Variants in MYRIP observed in about 807,000 individuals in gnomAD.
The protein encoded by MYRIP is myosin VIIA and Rab interacting protein.
A neutral mutation model predicts 98.0 loss-of-function variants in MYRIP; 49 were observed. The ratio of observed to expected loss-of-function variants is 0.50; its 90% confidence interval spans 0.40 to 0.63. The LOEUF is 0.63. Among genes scored for constraint, MYRIP ranks in the 30% least tolerant of loss-of-function variants. The pLI is 0.00. For missense variants in MYRIP, 1,004 were observed against 1,058.2 expected (o/e 0.95, Z 0.71); for synonymous variants, 404 against 409.5 (o/e 0.99, Z 0.16).
intron 1 of MYRIP, among the ~76,000 whole-genome samples, chr3:39,832,955 C>G (rs73826795): frequency 0.048 from 7,373 of 152,248 alleles, 352 homozygotes; most frequent in African/African-American, 0.12. Context: ...TCATAGTCCT[C>G]TGTGAAATAG....
At chr3:40,167,637 G>T (rs1038562403) in intron 7 of MYRIP, among the ~76,000 whole-genome samples, 13 of 151,992 alleles carry the variant, frequency 8.6e-5, no homozygotes, top group Non-Finnish European at 8.8e-5. Flanking sequence ...CAAGTTAAGG[G>T]CCCAGTCCCA....
chr3:39,860,356 C>T (rs1032309631), intron 1 of MYRIP, among the ~76,000 whole-genome samples: 1 of 152,172 alleles, frequency 6.6e-6, no homozygotes, highest in African/African-American at 2.4e-5. Flanking sequence ...TTGTACAGAG[C>T]CCAGAGGGTT....
Position 40,212,128 on chromosome 3 carries a change from G to A in MYRIP, c.1905+2035G>A, listed in dbSNP as rs1384355836. Among the ~76,000 whole-genome samples the A allele has an allele frequency of 1.1e-3, 18 of 16,854 alleles. 5 individuals are homozygous for A. The highest frequency in any genetic ancestry group is 3.2e-3 in the Non-Finnish European group (17 of 5,394). 11.1% of individuals were successfully genotyped at this position (16,854 alleles called of 152,430 possible). A position where few individuals can be genotyped will look rare whatever the true frequency, so the allele number is the denominator to read the frequency against. ...TGTATATATATATACATATATATAC[G>A]TGTATATATATATACATATATATAC... On this transcript the variant is annotated intron_variant, in intron 11 of 16. Coordinates refer to ENST00000302541, the MANE Select transcript of MYRIP (RefSeq NM_015460.4).
intron 11 of MYRIP, among the ~76,000 whole-genome samples, chr3:40,215,583 G>T (rs1027244044): frequency 7.2e-5 from 11 of 152,076 alleles, no homozygotes; most frequent in African/African-American, 2.7e-4. Context: ...GGTTTCTCAA[G>T]TTTAATGTGC....
At chr3:40,046,875 C>T (rs972671456) in intron 3 of MYRIP, among the ~76,000 whole-genome samples, 65 of 152,096 alleles carry the variant, frequency 4.3e-4, no homozygotes, top group African/African-American at 1.5e-3. Flanking sequence ...TCAATATTTA[C>T]CTAGTCCTCT....
At chr3:40,099,616 G>GA (rs1226579169) in intron 3 of MYRIP, among the ~76,000 whole-genome samples, 1 of 151,974 alleles carries the variant, frequency 6.6e-6, no homozygotes, top group East Asian at 1.9e-4. Context: ...TATACCACAG[G>GA]GAGTGTACTG....
chr3:39,964,506 T>G (rs957162243), intron 2 of MYRIP, among the ~76,000 whole-genome samples: 1 of 152,166 alleles, frequency 6.6e-6, no homozygotes, highest in African/African-American at 2.4e-5. Flanking sequence ...AGATAAATTC[T>G]TAACACCTAT....
chr3:40,084,713 T>TATTACATATCGATAATACAC (rs1948578173), intron 3 of MYRIP, among the ~76,000 whole-genome samples: 1 of 148,578 alleles, frequency 6.7e-6, no homozygotes, highest in African/African-American at 2.5e-5. Flanking sequence ...AGATAATATG[T>TATTACATATCGATAATACAC]ATCTATGTAT....
At chr3:40,152,530 C>A (rs1029772496) in intron 4 of MYRIP, among the ~76,000 whole-genome samples, 1 of 152,200 alleles carries the variant, frequency 6.6e-6, no homozygotes, top group Non-Finnish European at 1.5e-5. Context: ...TGGGCTAGTG[C>A]AGGGCTTTGA....
Position 40,138,654 on chromosome 3 carries a change from T to C in MYRIP, c.333-12394T>C, listed in dbSNP as rs143624526. ...AGAAGTTATAAAGTTCCATGCCTTTTTTCTGACATTAAGGTTTTTTATTGG... is the reference window on the plus strand; with the variant it reads ...AGAAGTTATAAAGTTCCATGCCTTTCTTCTGACATTAAGGTTTTTTATTGG... On this transcript the variant is annotated intron_variant, in intron 3 of 16. Transcript: ENST00000302541. Among the ~76,000 whole-genome samples, 384 of 152,346 alleles carry C rather than the reference T, an allele frequency of 2.5e-3. 3 individuals are homozygous for C. Among genetic ancestry groups the C allele is most frequent in the African/African-American group, 8.7e-3 (363 of 41,572 alleles).
intron 1 of MYRIP, among the ~76,000 whole-genome samples, chr3:39,900,458 A>C (rs1272410756): frequency 6.6e-6 from 1 of 152,088 alleles, no homozygotes; most frequent in African/African-American, 2.4e-5. Flanking sequence ...AAAGCACAAA[A>C]GTTTAGAACT....
Position 39,928,788 on chromosome 3 carries a change from ACTCT to A in MYRIP, c.110+27866_110+27869del, listed in dbSNP as rs139970892. 8.6e-5 allele frequency among the ~76,000 whole-genome samples: 13 copies of A among 151,980 alleles called. 1 individual carries two copies. The East Asian group carries it at 2.5e-3, about 29-fold the overall frequency. On this transcript the variant is annotated intron_variant, in intron 2 of 16. Transcript: ENST00000302541. ...AATCAGGAACATGTCAAGGATGTCT[ACTCT>A]CTCCACTCTTAATCAGCTTGGTACT... is the stretch of plus-strand genomic sequence containing the variant.
chr3:40,162,955 T>C, intron 5 of MYRIP, 145 bp downstream of exon 5: 1 of 651,486 alleles, frequency 1.5e-6, no homozygotes, highest in Non-Finnish European at 2.6e-6. Flanking sequence ...CTGGGTCACT[T>C]ATTATTGCCA....
At chr3:39,813,866 A>C (rs1166507576) in intron 1 of MYRIP, among the ~76,000 whole-genome samples, 1 of 152,094 alleles carries the variant, frequency 6.6e-6, no homozygotes, top group Non-Finnish European at 1.5e-5. Context: ...TTATGTGTTT[A>C]AAACAACATG....
intron 2 of MYRIP, among the ~76,000 whole-genome samples, chr3:39,915,960 C>A (rs7621503): frequency 0.44 from 66,957 of 151,726 alleles, 15,008 homozygotes; most frequent in East Asian, 0.54. Context: ...ACCTATAACA[C>A]AATCTCTTCT....
chr3:40,069,189 T>C (rs148686341), intron 3 of MYRIP, among the ~76,000 whole-genome samples: 117 of 152,212 alleles, frequency 7.7e-4, no homozygotes, highest in African/African-American at 2.8e-3. Flanking sequence ...CACCACATGT[T>C]TTGGGGATGC....
intron 3 of MYRIP, among the ~76,000 whole-genome samples, chr3:40,136,531 G>C (rs866961296): frequency 2.0e-5 from 3 of 152,054 alleles, no homozygotes; most frequent in Non-Finnish European, 4.4e-5. Flanking sequence ...GCACCAAGTG[G>C]ACCTAATAGA....
At chr3:40,127,950 TC>T (rs1559411821) in intron 3 of MYRIP, among the ~76,000 whole-genome samples, 1 of 152,226 alleles carries the variant, frequency 6.6e-6, no homozygotes, top group Non-Finnish European at 1.5e-5. Flanking sequence ...CACCATTTTC[TC>T]CCAGGAGCCT....
At chr3:39,985,222 A>G (rs2125764283) in intron 2 of MYRIP, among the ~76,000 whole-genome samples, 1 of 149,606 alleles carries the variant, frequency 6.7e-6, no homozygotes. Flanking sequence ...TTCAAAGAGA[A>G]TAAAATACCT....
Sources: gnomAD v4.1 joint callset for allele counts (sites outside exome capture counted in the v4.1 genomes callset) on GRCh38, gnomAD v4.1.1 for gene constraint, MANE v1.5 for transcripts, NCBI Gene and HGNC (gene_info 2026-07-23, HGNC 2026-07-21) for gene names.